ADARB1: variants seen among roughly 807,000 people sequenced by gnomAD.
The protein encoded by ADARB1 is adenosine deaminase RNA specific B1, also known as double-stranded RNA-specific editase 1.
ADARB1 carries 10 observed loss-of-function variants against 52.4 expected under a neutral mutation model. The observed-to-expected ratio is 0.19, with a 90% CI of 0.12 to 0.32. The LOEUF (loss-of-function observed/expected upper bound fraction) is 0.32. Ranked by LOEUF, ADARB1 falls within the 10% of genes least tolerant of loss-of-function variation. The probability of loss-of-function intolerance (pLI) is 1.00; values close to 1 mark genes in which losing one functional copy is unlikely to be tolerated. For synonymous variants in ADARB1, 349 were observed against 371.1 expected (o/e 0.94, Z 0.68); for missense variants, 643 against 922.3 (o/e 0.70, Z 3.92).
chr21:45,141,231 G>A lies in ADARB1; in HGVS notation c.-48+12658G>A, dbSNP rs1234395622. Among the ~76,000 whole-genome samples the A allele has an allele frequency of 3.3e-5, 5 of 152,098 alleles. No individual in the cohort carries two copies. The East Asian group carries it at 7.7e-4, about 23-fold the overall frequency. On this transcript the variant is annotated intron_variant, in intron 2 of 10. Transcript: ENST00000348831. ...GTTGTGACTTTGCTGTGTAGTCTTT[G>A]TGTAACATAATTTTATGATTCTATT...
intron 9 of ADARB1, among the ~76,000 whole-genome samples, chr21:45,216,312 A>G (rs2092861327): frequency 6.6e-6 from 1 of 150,402 alleles, no homozygotes; most frequent in Admixed American, 6.6e-5. Flanking sequence ...AATAATTTTT[A>G]CTCTGATTTT....
At chr21:45,170,599 TATG>T (rs1569109987) in intron 2 of ADARB1, among the ~76,000 whole-genome samples, 1 of 151,678 alleles carries the variant, frequency 6.6e-6, no homozygotes, top group East Asian at 1.9e-4. Flanking sequence ...TTTTTAGATA[TATG>T]ATATTTGATA....
chr21:45,167,513 G>A (rs545987295), intron 2 of ADARB1, among the ~76,000 whole-genome samples: 16 of 152,262 alleles, frequency 1.1e-4, no homozygotes, highest in Admixed American at 7.2e-4. Flanking sequence ...GCACTTTGGA[G>A]GTCAAGGCAG....
intron 2 of ADARB1, among the ~76,000 whole-genome samples, chr21:45,146,799 T>A (rs1316803944): frequency 1.3e-5 from 2 of 152,244 alleles, no homozygotes; most frequent in South Asian, 4.1e-4. Flanking sequence ...GACAGCTCTT[T>A]ACCATCTGTC....
chr21:45,175,933 C>T lies in ADARB1; in HGVS notation c.232C>T (p.Leu78Phe). 1 of 1,610,060 alleles carries T rather than the reference C, an allele frequency of 6.2e-7. No homozygotes were observed. Among genetic ancestry groups the T allele is most frequent in the Non-Finnish European group, 8.5e-7 (1 of 1,178,058 alleles). Residue 78 changes from leucine to phenylalanine, a missense_variant, in exon 4 of 11, where the codon CTC becomes TTC. Transcript: ENST00000348831. ...AAGGAGGAAAACACCAGGGCCCGTC[C>T]TCCCCAAGAACGCCCTGATGCAGCT... The part of the protein sequence containing the change: ...KKRRKTPGPV[L>F]PKNALMQLNE...
intron 1 of ADARB1, among the ~76,000 whole-genome samples, chr21:45,092,249 C>G (rs552205638): frequency 2.6e-5 from 4 of 152,328 alleles, no homozygotes; most frequent in African/African-American, 9.6e-5. Flanking sequence ...TTTCCTTGCC[C>G]TGAGCCTGCA....
chr21:45,097,688 G>A (rs1363086627), intron 1 of ADARB1, among the ~76,000 whole-genome samples: 1 of 152,176 alleles, frequency 6.6e-6, no homozygotes, highest in Non-Finnish European at 1.5e-5. Flanking sequence ...CTGGGAGGGA[G>A]CCCACTGTGG....
At chr21:45,161,827 T>C (rs961291707) in intron 2 of ADARB1, among the ~76,000 whole-genome samples, 4 of 152,000 alleles carry the variant, frequency 2.6e-5, no homozygotes, top group African/African-American at 4.8e-5. Context: ...GCACACACTT[T>C]CCTCTGAAGC....
rs76439144 is a variant in ADARB1 at position 45,124,125 on chromosome 21, A to G, written c.-219-4277A>G. Among the ~76,000 whole-genome samples, 478 of 152,296 alleles carry G rather than the reference A, an allele frequency of 3.1e-3. 3 individuals are homozygous for G. The highest frequency in any genetic ancestry group is 0.014 in the Middle Eastern group (4 of 294). On this transcript the variant is annotated intron_variant, in intron 1 of 10. Transcript: ENST00000348831. ...GCATTCCCATCATAAATTCATCTTA[A>G]TCATGTTTGATCGCTTTAAAAAATA...
chr21:45,197,252 A>G (rs1033558475), intron 8 of ADARB1, among the ~76,000 whole-genome samples: 3 of 151,640 alleles, frequency 2.0e-5, no homozygotes, highest in Non-Finnish European at 4.4e-5. Flanking sequence ...CTGTAATCCC[A>G]ACTCTTTGGG....
At chr21:45,134,978 T>C in intron 2 of ADARB1, 1 of 370,014 alleles carries the variant, frequency 2.7e-6, no homozygotes, top group Non-Finnish European at 5.4e-6. Context: ...ACTGGCAGGC[T>C]GTAGCCTGTG....
In ADARB1 at chr21:45,092,167, C is replaced by T. The variant is rs527650589; in HGVS notation, c.-220+17374C>T. On this transcript the variant is annotated intron_variant, in intron 1 of 10. Coordinates refer to ENST00000348831, the MANE Select transcript of ADARB1 (RefSeq NM_001112.4). ...GCTTTGGAGGAAGTATGGGTCACTT[C>T]GCTCCTGGGCCGTCGGTTCAGAAGG... Among the ~76,000 whole-genome samples the T allele has an allele frequency of 1.1e-4, 17 of 152,206 alleles. No homozygotes were observed. The South Asian group carries it at 3.3e-3, about 30-fold the overall frequency.
chr21:45,135,446 A>C (rs2089305411), intron 2 of ADARB1, among the ~76,000 whole-genome samples: 1 of 152,204 alleles, frequency 6.6e-6, no homozygotes, highest in South Asian at 2.1e-4. Context: ...CTTCCAGGGA[A>C]TCTCAGAGGA....
chr21:45,212,815 G>A (rs2092794001), intron 9 of ADARB1, among the ~76,000 whole-genome samples: 1 of 152,008 alleles, frequency 6.6e-6, no homozygotes, highest in African/African-American at 2.4e-5. Flanking sequence ...TAACACAAAA[G>A]AGAAAGATCT....
intron 8 of ADARB1, among the ~76,000 whole-genome samples, chr21:45,187,868 A>T (rs2092159764): frequency 6.6e-6 from 1 of 152,204 alleles, no homozygotes; most frequent in Non-Finnish European, 1.5e-5. Context: ...CATAATGTAT[A>T]ATCCTTTTAA....
intron 2 of ADARB1, among the ~76,000 whole-genome samples, chr21:45,146,854 C>G (rs994891566): frequency 2.0e-5 from 3 of 152,228 alleles, no homozygotes; most frequent in Non-Finnish European, 4.4e-5. Flanking sequence ...CTGGACTGCA[C>G]TTAACCATGA....
chr21:45,111,400 C>G (rs906958253), intron 1 of ADARB1, among the ~76,000 whole-genome samples: 1 of 152,136 alleles, frequency 6.6e-6, no homozygotes, highest in Non-Finnish European at 1.5e-5. Context: ...GCACAGCCTC[C>G]CCCATTATCA....
chr21:45,145,817 T>C (rs1015859729), intron 2 of ADARB1: 1 of 152,256 alleles, frequency 6.6e-6, no homozygotes, highest in Non-Finnish European at 1.5e-5. Flanking sequence ...CAGATGAACT[T>C]TTAATGACAG....
intron 8 of ADARB1, among the ~76,000 whole-genome samples, chr21:45,191,987 T>C (rs940690996): frequency 6.6e-6 from 1 of 150,644 alleles, no homozygotes; most frequent in African/African-American, 2.4e-5. Context: ...CTTTTCTGGT[T>C]ACTAGTTTCT....
Sources: gnomAD v4.1 joint callset for allele counts (sites outside exome capture counted in the v4.1 genomes callset) on GRCh38, gnomAD v4.1.1 for gene constraint, MANE v1.5 for transcripts, NCBI Gene and HGNC (gene_info 2026-07-23, HGNC 2026-07-21) for gene names.